Variants in PHF21A observed in about 807,000 individuals in gnomAD.
PHF21A encodes PHD finger protein 21A.
In PHF21A, 11 loss-of-function variants were observed where a neutral mutation model predicts 82.5. The observed-to-expected ratio is 0.13, with a 90% CI of 0.08 to 0.22. PHF21A has a LOEUF of 0.22. Ranked by LOEUF, PHF21A falls within the 10% of genes least tolerant of loss-of-function variation. The pLI, the probability that PHF21A is intolerant of heterozygous loss-of-function variation, is 1.00. For synonymous variants in PHF21A, 297 were observed against 302.8 expected, an observed-to-expected ratio of 0.98 and a Z score of 0.20; for missense variants, 579 against 837.8, an observed-to-expected ratio of 0.69 and a Z score of 3.81.
chr11:45,975,638 G>A (rs966196148), intron 7 of PHF21A, among the ~76,000 whole-genome samples: 1 of 152,160 alleles, frequency 6.6e-6, no homozygotes, highest in East Asian at 1.9e-4. Context: ...TTAGAGGGCT[G>A]TGAATATAGG....
intron 1 of PHF21A, among the ~76,000 whole-genome samples, chr11:46,097,279 G>A (rs895646298): frequency 3.3e-5 from 5 of 152,114 alleles, no homozygotes; most frequent in South Asian, 2.1e-4. Context: ...ATCATACTCC[G>A]AGAAAAGATG....
chr11:46,032,209 A>T (rs61882540), intron 6 of PHF21A, among the ~76,000 whole-genome samples: 18,337 of 152,170 alleles, frequency 0.12, 1,330 homozygotes, highest in African/African-American at 0.21. Context: ...AAATATCATT[A>T]TATTTTCCTA....
chr11:46,078,860 CA>C (rs1425213773), intron 5 of PHF21A, among the ~76,000 whole-genome samples: 3 of 152,108 alleles, frequency 2.0e-5, no homozygotes, highest in African/African-American at 7.2e-5. Context: ...AGCTATATGA[CA>C]AGTATTAACT....
At chr11:46,103,935 T>C (rs1219528539) in intron 1 of PHF21A, among the ~76,000 whole-genome samples, 1 of 152,196 alleles carries the variant, frequency 6.6e-6, no homozygotes, top group African/African-American at 2.4e-5. Flanking sequence ...ATTAACTCAA[T>C]TATTTACCCC....
At chr11:46,092,917 G>GGCTAT (rs1346857912) in intron 1 of PHF21A, among the ~76,000 whole-genome samples, 2 of 151,784 alleles carry the variant, frequency 1.3e-5, no homozygotes, top group Non-Finnish European at 2.9e-5. Context: ...CACCATGCCT[G>GGCTAT]GCTATTACTT....
At chr11:46,021,660 G>A (rs376664005) in intron 6 of PHF21A, among the ~76,000 whole-genome samples, 12 of 152,110 alleles carry the variant, frequency 7.9e-5, no homozygotes, top group African/African-American at 2.9e-4. Context: ...TCCTGCCTCA[G>A]CCTCTCAAGT....
chr11:46,074,541 C>T lies in PHF21A; in HGVS notation c.153+2213G>A, dbSNP rs371327409. On this transcript the variant is annotated intron_variant, in intron 6 of 18. Coordinates refer to ENST00000676320, the MANE Select transcript of PHF21A (RefSeq NM_001352027.3). ...TTTTTGAGATGGAGTCTTGCTCTGT[C>T]GCCCAGGCTGGAGTGCAGTGGCATG... Among the ~76,000 whole-genome samples, 15 of 152,108 alleles carry T rather than the reference C, an allele frequency of 9.9e-5. No homozygotes were observed. The South Asian group carries it at 2.3e-3, about 23-fold the overall frequency.
chr11:45,963,817 A>G (rs1451569619), intron 10 of PHF21A, among the ~76,000 whole-genome samples: 1 of 152,192 alleles, frequency 6.6e-6, no homozygotes, highest in Non-Finnish European at 1.5e-5. Context: ...CCAAACTCCT[A>G]AGCTTGAGCA....
chr11:46,021,552 G>T (rs984087640), intron 6 of PHF21A, among the ~76,000 whole-genome samples: 3 of 151,524 alleles, frequency 2.0e-5, no homozygotes, highest in Non-Finnish European at 4.4e-5. Context: ...GTGCATGTGT[G>T]TGTGTGTTCA....
At chr11:46,059,679 C>T (rs1206901269) in intron 6 of PHF21A, among the ~76,000 whole-genome samples, 1 of 152,144 alleles carries the variant, frequency 6.6e-6, no homozygotes, top group Admixed American at 6.5e-5. Flanking sequence ...GCCTCAGCCT[C>T]CCAAAGTGCT....
intron 6 of PHF21A, among the ~76,000 whole-genome samples, chr11:46,008,056 T>G (rs575095273): frequency 6.6e-6 from 1 of 152,368 alleles, no homozygotes; most frequent in African/African-American, 2.4e-5. Flanking sequence ...CACCAACTGG[T>G]AGGTGAAAAT....
chr11:45,938,127 C>T (rs376739810), intron 16 of PHF21A, 30 bp downstream of exon 16: 2 of 1,530,480 alleles, frequency 1.3e-6, no homozygotes, highest in Non-Finnish European at 1.8e-6. Context: ...TCCTCCTCGG[C>T]CCCTCCCCTG....
intron 6 of PHF21A, among the ~76,000 whole-genome samples, chr11:45,994,863 G>C (rs2094848710): frequency 6.6e-6 from 1 of 152,192 alleles, no homozygotes; most frequent in Non-Finnish European, 1.5e-5. Flanking sequence ...CACACGCTTT[G>C]AATGTCTCCC....
chr11:45,997,150 GGAT>G (rs1321161798), intron 6 of PHF21A, among the ~76,000 whole-genome samples: 1 of 152,134 alleles, frequency 6.6e-6, no homozygotes, highest in Non-Finnish European at 1.5e-5. Context: ...TTTTGAAGAT[GGAT>G]GATTAGATCT....
At chr11:46,039,734 A>C (rs1405654063) in intron 6 of PHF21A, among the ~76,000 whole-genome samples, 1 of 152,214 alleles carries the variant, frequency 6.6e-6, no homozygotes, top group Non-Finnish European at 1.5e-5. Context: ...ATAAAGAGCA[A>C]ACTAAAATTA....
intron 6 of PHF21A, among the ~76,000 whole-genome samples, chr11:46,011,833 T>A (rs1194092823): frequency 1.3e-5 from 2 of 152,232 alleles, no homozygotes; most frequent in African/African-American, 4.8e-5. Flanking sequence ...ACTCTTACCT[T>A]CTTTTTATTC....
intron 6 of PHF21A, among the ~76,000 whole-genome samples, chr11:46,047,009 A>C (rs1393286734): frequency 6.6e-6 from 1 of 152,234 alleles, no homozygotes; most frequent in African/African-American, 2.4e-5. Flanking sequence ...AGTTTAAGCT[A>C]ATTTAAAGTG....
intron 10 of PHF21A, among the ~76,000 whole-genome samples, chr11:45,958,616 C>T (rs746225494): frequency 4.0e-5 from 6 of 149,982 alleles, no homozygotes; most frequent in South Asian, 2.1e-4. Flanking sequence ...CAAAAAATAA[C>T]GAAAAAAATT....
At chr11:45,995,902 A>AT (rs1474614382) in intron 6 of PHF21A, among the ~76,000 whole-genome samples, 1 of 152,116 alleles carries the variant, frequency 6.6e-6, no homozygotes, top group Non-Finnish European at 1.5e-5. Context: ...CAAACCCCAA[A>AT]TTCATTATTA....
Sources: gnomAD v4.1 joint callset for allele counts (sites outside exome capture counted in the v4.1 genomes callset) on GRCh38, gnomAD v4.1.1 for gene constraint, MANE v1.5 for transcripts, NCBI Gene and HGNC (gene_info 2026-07-23, HGNC 2026-07-21) for gene names.